PTGER3: variants seen among roughly 807,000 people sequenced by gnomAD.
The protein encoded by PTGER3 is prostaglandin E2 receptor EP3 subtype.
PTGER3 carries 22 observed loss-of-function variants against 34.7 expected under a neutral mutation model. The ratio of observed to expected loss-of-function variants is 0.63; its 90% CI spans 0.45 to 0.91. The LOEUF is 0.91. Ranked by LOEUF, PTGER3 falls within the 40% of genes least tolerant of loss-of-function variation. The probability of loss-of-function intolerance (pLI) is 0.00; values close to 1 mark genes in which losing one functional copy is unlikely to be tolerated. For synonymous variants in PTGER3, 241 were observed against 230.1 expected (o/e 1.05, Z -0.43); for missense variants, 468 against 519.4 (o/e 0.90, Z 0.96).
chr1:71,028,016 T>A (rs1310732671), intron 1 of PTGER3, among the ~76,000 whole-genome samples: 1 of 152,158 alleles, frequency 6.6e-6, no homozygotes, highest in Admixed American at 6.5e-5. Context: ...TTTTCCACCT[T>A]TATTCTGTCA....
At chr1:70,925,681 A>C (rs1648004847) in intron 4 of PTGER3, among the ~76,000 whole-genome samples, 1 of 152,192 alleles carries the variant, frequency 6.6e-6, no homozygotes. Flanking sequence ...TTTATAAATA[A>C]ATACATATGT....
intron 4 of PTGER3, among the ~76,000 whole-genome samples, chr1:70,925,746 G>A (rs1398475989): frequency 6.6e-6 from 1 of 152,116 alleles, no homozygotes; most frequent in Non-Finnish European, 1.5e-5. Context: ...TCTTAAGTGG[G>A]GTTTTGTTAG....
intron 1 of PTGER3, among the ~76,000 whole-genome samples, chr1:71,038,251 C>T (rs888847379): frequency 2.0e-5 from 3 of 152,150 alleles, no homozygotes; most frequent in Admixed American, 6.5e-5. Flanking sequence ...ATCAAATTTA[C>T]TCTCAGGATA....
At chr1:71,037,406 C>G (rs569207041) in intron 1 of PTGER3, among the ~76,000 whole-genome samples, 2 of 152,330 alleles carry the variant, frequency 1.3e-5, no homozygotes, top group African/African-American at 4.8e-5. Context: ...TCTCGAGCAA[C>G]GTAACTGCTC....
Position 71,046,583 on chromosome 1 carries a change from G to A in PTGER3, c.897+98C>T, listed in dbSNP as rs753664752. 9 of 1,403,918 alleles carry A rather than the reference G, an allele frequency of 6.4e-6. No individual in the cohort carries two copies. In the South Asian group the frequency reaches 1.0e-4, roughly 16 times the overall value. The allele number at this position is 1,403,918 out of a possible 1,614,324, so 87.0% of individuals were successfully genotyped here. A position where few individuals can be genotyped will look rare whatever the true frequency, so the allele number is the denominator to read the frequency against. The stretch of plus-strand genomic sequence containing the variant: ...AAGGACACTTCAGCGCTCTGCGGTT[G>A]CAAACACACCCCTGCGGGTGCTGCC... On this transcript the variant is annotated intron_variant, in intron 1 of 3. Transcript: ENST00000306666.
At position 70,984,402 on chromosome 1, in the gene PTGER3, AT is replaced by A. The variant is rs1308156219; in HGVS notation, c.1078-10015del. 5.6e-5 allele frequency among the ~76,000 whole-genome samples: 8 copies of A among 144,026 alleles called. No individual in the cohort carries two copies. The East Asian group carries it at 1.4e-3, about 26-fold the overall frequency. The allele number at this position is 144,026 out of a possible 152,430, so 94.5% of individuals were successfully genotyped here. A position where few individuals can be genotyped will look rare whatever the true frequency, so the allele number is the denominator to read the frequency against. ...ACTCTGCCTCAAAAAAAAAAAAAAA[AT>A]TCATTAAATTAACAAAATTATTCTA... On this transcript the variant is annotated intron_variant, in intron 2 of 3. Transcript: ENST00000306666.
chr1:70,912,970 C>G (rs1647093161), intron 4 of PTGER3, among the ~76,000 whole-genome samples: 1 of 151,878 alleles, frequency 6.6e-6, no homozygotes. Context: ...GAAAAATTAT[C>G]TTGGCTACTC....
chr1:70,969,922 G>T (rs989975600), downstream of PTGER3, among the ~76,000 whole-genome samples: 4 of 152,266 alleles, frequency 2.6e-5, no homozygotes, highest in Non-Finnish European at 5.9e-5. Flanking sequence ...TTACCCTACA[G>T]GTAAGTACTA....
At chr1:70,944,372 C>G (rs1433441653) in intron 4 of PTGER3, among the ~76,000 whole-genome samples, 1 of 152,060 alleles carries the variant, frequency 6.6e-6, no homozygotes, top group East Asian at 1.9e-4. Flanking sequence ...CAGCTTGAAG[C>G]TCCTGGTTGC....
Position 70,884,087 on chromosome 1 carries a change from AAAAC to A in PTGER3, c.*24-31232_*24-31229del, listed in dbSNP as rs13306009. 2,521 of 397,574 alleles carry A rather than the reference AAAAC, an allele frequency of 6.3e-3. 21 individuals carry two copies. The highest frequency in any genetic ancestry group is 0.016 in the South Asian group (851 of 51,970). 24.6% of individuals were successfully genotyped at this position (397,574 alleles called of 1,614,324 possible). ...GGGTGAGAGAGCAAGACTCCATCTC[AAAAC>A]AAACAAACAAACAAAAAAGGATCAG... On this transcript the variant is annotated intron_variant, in intron 4 of 4. Coordinates refer to the PTGER3 transcript ENST00000370931.
downstream of PTGER3, among the ~76,000 whole-genome samples, chr1:70,952,163 AT>A (rs1201887165): frequency 2.6e-5 from 4 of 152,092 alleles, no homozygotes; most frequent in African/African-American, 9.7e-5. Flanking sequence ...AGTTTTAGAG[AT>A]GGAGAGAAAT....
intron 2 of PTGER3, chr1:71,010,176 C>G: frequency 1.0e-6 from 1 of 984,890 alleles, no homozygotes; most frequent in Non-Finnish European, 1.2e-6. Flanking sequence ...AAGTGATATT[C>G]TTGTGATAGT....
chr1:71,030,097 G>A (rs1003660420), intron 1 of PTGER3, among the ~76,000 whole-genome samples: 2 of 152,058 alleles, frequency 1.3e-5, no homozygotes, highest in African/African-American at 4.8e-5. Flanking sequence ...TATAAGAGCT[G>A]CAAACTGATT....
At chr1:70,912,384 TA>T (rs779359375) in intron 4 of PTGER3, among the ~76,000 whole-genome samples, 5 of 152,128 alleles carry the variant, frequency 3.3e-5, no homozygotes, top group Non-Finnish European at 5.9e-5. Flanking sequence ...TGAAATTTCA[TA>T]TATGTTTATA....
chr1:71,026,565 G>A (rs1658942237), intron 1 of PTGER3, among the ~76,000 whole-genome samples: 1 of 151,890 alleles, frequency 6.6e-6, no homozygotes, highest in Non-Finnish European at 1.5e-5. Flanking sequence ...AAATTATAAT[G>A]TGTTCATCTT....
intron 4 of PTGER3, among the ~76,000 whole-genome samples, chr1:70,918,481 T>C (rs1647258816): frequency 6.6e-6 from 1 of 152,032 alleles, no homozygotes; most frequent in Admixed American, 6.6e-5. Context: ...AAAGTCAATC[T>C]AATTTGGAAG....
At chr1:70,999,062 C>A (rs1447142783) in intron 2 of PTGER3, among the ~76,000 whole-genome samples, 2 of 152,100 alleles carry the variant, frequency 1.3e-5, no homozygotes, top group Non-Finnish European at 2.9e-5. Context: ...CGCCTGTAGT[C>A]CCAGCTACTC....
At chr1:70,887,331 A>C (rs1434593636) in intron 4 of PTGER3, among the ~76,000 whole-genome samples, 1 of 152,130 alleles carries the variant, frequency 6.6e-6, no homozygotes, top group Non-Finnish European at 1.5e-5. Context: ...TAAAGGCTTT[A>C]GCTTTAGGTT....
At chr1:70,940,671 A>C (rs1649672333) in intron 4 of PTGER3, among the ~76,000 whole-genome samples, 1 of 152,134 alleles carries the variant, frequency 6.6e-6, no homozygotes, top group African/African-American at 2.4e-5. Context: ...AGACTTTTTT[A>C]CCATCATGAG....
Sources: gnomAD v4.1 joint callset for allele counts (sites outside exome capture counted in the v4.1 genomes callset) on GRCh38, gnomAD v4.1.1 for gene constraint, MANE v1.5 for transcripts, NCBI Gene and HGNC (gene_info 2026-07-23, HGNC 2026-07-21) for gene names.